GLMN: variants seen among roughly 807,000 people sequenced by gnomAD.
The protein encoded by GLMN is glomulin, FKBP associated protein.
GLMN carries 75 observed loss-of-function variants against 87.8 expected under a neutral mutation model. The observed-to-expected ratio is 0.85, with a 90% CI of 0.71 to 1.04. The LOEUF (loss-of-function observed/expected upper bound fraction) is 1.04, where lower values mean the gene tolerates loss of function less well. Ranked by LOEUF, GLMN falls within the 50% of genes least tolerant of loss-of-function variation. The pLI, the probability that GLMN is intolerant of heterozygous loss-of-function variation, is 0.00. For synonymous variants in GLMN, 206 were observed against 221.6 expected, an observed-to-expected ratio of 0.93 and a Z score of 0.63; for missense variants, 588 against 658.8, an observed-to-expected ratio of 0.89 and a Z score of 1.18.
chr1:92,334,498 G>C, the GLMN span, among the ~76,000 whole-genome samples: 2 of 152,086 alleles, frequency 1.3e-5, no homozygotes, highest in African/African-American at 4.8e-5. Flanking sequence ...AATGGAAACA[G>C]TTAGGGGTCA....
intron 2 of GLMN, 74 bp from the exon 3 acceptor site, chr1:92,297,603 T>A: frequency 1.7e-6 from 2 of 1,203,880 alleles, no homozygotes; most frequent in Admixed American, 2.1e-5. Flanking sequence ...TACAATAACT[T>A]CTTGATTTAT....
chr1:92,321,936 TTTTC>T, the GLMN span, among the ~76,000 whole-genome samples: 2 of 150,632 alleles, frequency 1.3e-5, no homozygotes, highest in Non-Finnish European at 1.5e-5. Context: ...GATAATGAAA[TTTTC>T]TTTCTTTTTT....
chr1:92,336,500 A>G, the GLMN span: 1 of 1,013,002 alleles, frequency 9.9e-7, no homozygotes, highest in Non-Finnish European at 1.5e-6. Context: ...ATCCAAAGGC[A>G]CAGAGAAAGT....
chr1:92,288,976 T>C lies in GLMN; in HGVS notation c.570A>G (p.Glu190=). The C allele has an allele frequency of 6.2e-7, 1 of 1,612,658 alleles. No individual in the cohort carries two copies. The highest frequency in any genetic ancestry group is 2.2e-5 in the East Asian group (1 of 44,846). The change falls in exon 6 of 19, where the codon GAA becomes GAG. Residue 190 remains glutamate, a synonymous_variant. Coordinates refer to ENST00000370360, the MANE Select transcript of GLMN (RefSeq NM_053274.3). The stretch of plus-strand genomic sequence containing the variant: ...GTGAGTTTTCTTTGTTATCAATGAC[T>C]TCTTCCACAAAAGGCTTAGTGAACT... ...LIEFTKPFVE[E]VIDNKENSLE...
the GLMN span, among the ~76,000 whole-genome samples, chr1:92,314,087 T>G: frequency 1.3e-5 from 2 of 152,232 alleles, no homozygotes; most frequent in African/African-American, 2.4e-5. Flanking sequence ...TAAGGCTGTT[T>G]TGCTTTTTTG....
the GLMN span, among the ~76,000 whole-genome samples, chr1:92,327,438 G>A: frequency 6.6e-6 from 1 of 152,128 alleles, no homozygotes; most frequent in Non-Finnish European, 1.5e-5. Context: ...TTAAACTGCT[G>A]TTGCTTTAAA....
chr1:92,338,810 A>T, the GLMN span, among the ~76,000 whole-genome samples: 1 of 151,486 alleles, frequency 6.6e-6, no homozygotes, highest in South Asian at 2.1e-4. Flanking sequence ...CAGTCTCACT[A>T]TGTTGCCCAG....
intron 7 of GLMN, among the ~76,000 whole-genome samples, chr1:92,278,873 A>G (rs1368398688): frequency 1.3e-5 from 2 of 152,312 alleles, no homozygotes; most frequent in East Asian, 3.9e-4. Context: ...CTCTAGCCCA[A>G]TGACCTTTGC....
the GLMN span, chr1:92,323,988 G>A: frequency 6.8e-6 from 11 of 1,614,112 alleles, no homozygotes; most frequent in East Asian, 2.0e-4. Context: ...GTTCAGTGCA[G>A]GTGTGTCCTG....
chr1:92,323,866 G>A, the GLMN span: 2 of 1,613,952 alleles, frequency 1.2e-6, no homozygotes, highest in Non-Finnish European at 1.7e-6. Flanking sequence ...AGAAAATTCT[G>A]AAAGTGAATA....
At chr1:92,359,025 C>A in the GLMN span, among the ~76,000 whole-genome samples, 3 of 152,216 alleles carry the variant, frequency 2.0e-5, no homozygotes, top group African/African-American at 7.2e-5. Flanking sequence ...CAGTGCTTCT[C>A]ATTAATCCTT....
Position 92,267,891 on chromosome 1 carries a change from T to C in GLMN, c.1098+22A>G, listed in dbSNP as rs187528834. On this transcript the variant is annotated intron_variant, in intron 11 of 18. Coordinates refer to ENST00000370360, the MANE Select transcript of GLMN (RefSeq NM_053274.3). ...AACAGGCAAAGGGCTATTTTCAATA[T>C]TAGAATACATATTTTATTTACCTGA... 309 of 1,092,326 alleles carry C rather than the reference T, an allele frequency of 2.8e-4. 1 individual carries two copies. In the African/African-American group the frequency reaches 4.4e-3, roughly 15 times the overall value. The allele number at this position is 1,092,326 out of a possible 1,614,324, so 67.7% of individuals were successfully genotyped here.
intron 7 of GLMN, among the ~76,000 whole-genome samples, chr1:92,278,332 T>C (rs1647548346): frequency 6.6e-6 from 1 of 152,166 alleles, no homozygotes; most frequent in Non-Finnish European, 1.5e-5. Flanking sequence ...CCCCAGACTT[T>C]TGTGTGCTCC....
At chr1:92,249,365 C>T (rs1245378149) in intron 16 of GLMN, among the ~76,000 whole-genome samples, 2 of 149,562 alleles carry the variant, frequency 1.3e-5, no homozygotes, top group Admixed American at 1.3e-4. Flanking sequence ...TTCTTAACCT[C>T]TAATGGCAAA....
chr1:92,289,909 G>C (rs1649203886), intron 5 of GLMN, among the ~76,000 whole-genome samples: 1 of 152,120 alleles, frequency 6.6e-6, no homozygotes, highest in Non-Finnish European at 1.5e-5. Flanking sequence ...GAAAATTCTA[G>C]ATTTAAGCAG....
At chr1:92,271,416 T>C (rs1656220311) in intron 8 of GLMN, 49 bp downstream of exon 8, 1 of 1,381,202 alleles carries the variant, frequency 7.2e-7, no homozygotes, top group Non-Finnish European at 1.0e-6. Flanking sequence ...ATGAGAATTT[T>C]ATGAAATTCC....
At chr1:92,326,242 T>A in the GLMN span, among the ~76,000 whole-genome samples, 2 of 152,160 alleles carry the variant, frequency 1.3e-5, no homozygotes, top group Non-Finnish European at 2.9e-5. Context: ...TTATAATACA[T>A]TACTGTGATG....
At chr1:92,297,344 T>C in intron 3 of GLMN, 60 bp downstream of exon 3, 1 of 1,591,922 alleles carries the variant, frequency 6.3e-7, no homozygotes, top group Non-Finnish European at 8.6e-7. Context: ...ACTGGATGAA[T>C]AGCATCATGT....
intron 16 of GLMN, among the ~76,000 whole-genome samples, chr1:92,258,575 A>T (rs909068760): frequency 1.3e-5 from 2 of 152,230 alleles, no homozygotes; most frequent in Non-Finnish European, 2.9e-5. Context: ...GTGCAGCCAT[A>T]AAAAAGGATG....
Sources: allele counts gnomAD v4.1 joint callset (sites outside exome capture counted in the v4.1 genomes callset), GRCh38; gene constraint gnomAD v4.1.1; transcripts MANE v1.5; gene names NCBI Gene and HGNC (gene_info 2026-07-23, HGNC 2026-07-21).